The following LRFN5 variants were observed in gnomAD, a reference collection of about 807,000 sequenced individuals.
The protein encoded by LRFN5 is leucine rich repeat and fibronectin type III domain containing 5.
A neutral mutation model predicts 45.6 loss-of-function variants in LRFN5; 24 were observed. That is an observed-to-expected ratio of 0.53 (90% CI 0.38 to 0.74). The LOEUF (loss-of-function observed/expected upper bound fraction) is 0.74, where lower values mean the gene tolerates loss of function less well. Among genes scored for constraint, LRFN5 ranks in the 30% least tolerant of loss-of-function variants. The pLI, the probability that LRFN5 is intolerant of heterozygous loss-of-function variation, is 0.00. For missense variants in LRFN5, 776 were observed against 861.5 expected, an observed-to-expected ratio of 0.90 and a Z score of 1.24; for synonymous variants, 340 against 313.8, an observed-to-expected ratio of 1.08 and a Z score of -0.88.
At chr14:41,767,580 A>G (rs1297775168) in intron 2 of LRFN5, among the ~76,000 whole-genome samples, 1 of 152,130 alleles carries the variant, frequency 6.6e-6, no homozygotes, top group African/African-American at 2.4e-5. Context: ...ATTCAAGGAG[A>G]GTTTATGCCA....
intron 1 of LRFN5, chr14:41,701,008 T>A (rs1882820426): frequency 6.6e-6 from 1 of 152,206 alleles, no homozygotes; most frequent in Non-Finnish European, 1.5e-5. Flanking sequence ...AATGTTTGGC[T>A]TTAATGCTCC....
At chr14:41,687,677 G>C (rs1882182559) in intron 1 of LRFN5, among the ~76,000 whole-genome samples, 1 of 152,196 alleles carries the variant, frequency 6.6e-6, no homozygotes, top group African/African-American at 2.4e-5. Context: ...ATGAGATCAT[G>C]TCCTTTGCAG....
intron 2 of LRFN5, among the ~76,000 whole-genome samples, chr14:41,860,746 T>C (rs1312357795): frequency 1.3e-5 from 2 of 152,334 alleles, no homozygotes; most frequent in East Asian, 1.9e-4. Context: ...AGACAGAGAA[T>C]TGTAACAAGT....
chr14:41,738,985 C>T (rs1041930076), intron 1 of LRFN5, among the ~76,000 whole-genome samples: 5 of 152,174 alleles, frequency 3.3e-5, no homozygotes, highest in Non-Finnish European at 5.9e-5. Flanking sequence ...ACATTCTCTT[C>T]TATAGATCAC....
intron 2 of LRFN5, among the ~76,000 whole-genome samples, chr14:41,839,501 T>C (rs1312412923): frequency 1.3e-5 from 2 of 152,146 alleles, no homozygotes; most frequent in Admixed American, 6.6e-5. Context: ...ATTATACTTA[T>C]TGCCAGTCCT....
intron 2 of LRFN5, among the ~76,000 whole-genome samples, chr14:41,832,914 T>A (rs968737071): frequency 6.6e-6 from 1 of 152,190 alleles, no homozygotes; most frequent in South Asian, 2.1e-4. Context: ...AGAAACATTG[T>A]GGGAAGGGAA....
At chr14:41,872,733 G>A (rs118148244) in intron 2 of LRFN5, among the ~76,000 whole-genome samples, 94 of 152,220 alleles carry the variant, frequency 6.2e-4, no homozygotes, top group African/African-American at 1.9e-3. Flanking sequence ...CAACATTTTC[G>A]CTTAATATCA....
intron 1 of LRFN5, among the ~76,000 whole-genome samples, chr14:41,713,342 C>A (rs1334108010): frequency 2.0e-5 from 3 of 151,846 alleles, no homozygotes; most frequent in African/African-American, 7.2e-5. Context: ...GTGTGCAAAC[C>A]ATGGAAAGCA....
intron 2 of LRFN5, among the ~76,000 whole-genome samples, chr14:41,797,130 T>A (rs1887160766): frequency 6.6e-6 from 1 of 151,898 alleles, no homozygotes; most frequent in African/African-American, 2.4e-5. Flanking sequence ...ATTTTTAATG[T>A]CTTATGCAGA....
chr14:41,697,623 T>C (rs1264222001), intron 1 of LRFN5, among the ~76,000 whole-genome samples: 5 of 151,738 alleles, frequency 3.3e-5, no homozygotes, highest in Non-Finnish European at 7.4e-5. Flanking sequence ...TGTATTAAAC[T>C]GTATTAACTA....
intron 1 of LRFN5, among the ~76,000 whole-genome samples, chr14:41,719,851 C>T (rs961410289): frequency 6.6e-6 from 1 of 151,640 alleles, no homozygotes; most frequent in Non-Finnish European, 1.5e-5. Context: ...TACTTTGAGA[C>T]CTTTCTAACT....
chr14:41,758,099 T>C (rs1885492710), intron 1 of LRFN5, among the ~76,000 whole-genome samples: 1 of 152,196 alleles, frequency 6.6e-6, no homozygotes, highest in African/African-American at 2.4e-5. Context: ...CTCTTTATCA[T>C]ATCTCTTTCT....
At chr14:41,876,277 C>CT (rs34291427) in intron 2 of LRFN5, among the ~76,000 whole-genome samples, 25,154 of 100,012 alleles carry the variant, frequency 0.25, 4,383 homozygotes, top group Middle Eastern at 0.34. Flanking sequence ...CTTTTTCTTT[C>CT]TTTTTTTTTT....
chr14:41,659,886 T>A (rs548810537), intron 1 of LRFN5, among the ~76,000 whole-genome samples: 1 of 150,338 alleles, frequency 6.7e-6, no homozygotes, highest in African/African-American at 2.5e-5. Context: ...TCACCCACTT[T>A]TTGATGTTTT....
intron 1 of LRFN5, among the ~76,000 whole-genome samples, chr14:41,661,274 C>T (rs932045675): frequency 4.0e-5 from 6 of 151,824 alleles, no homozygotes; most frequent in African/African-American, 1.5e-4. Context: ...GTCTCTTAAT[C>T]TCAGTAAGAA....
intron 1 of LRFN5, among the ~76,000 whole-genome samples, chr14:41,697,308 T>G (rs1329438378): frequency 2.6e-5 from 4 of 151,868 alleles, no homozygotes. Context: ...ATTTTTTAAT[T>G]TCTTTTGTTT....
At chr14:41,820,954 T>G (rs1305592542) in intron 2 of LRFN5, among the ~76,000 whole-genome samples, 1 of 152,082 alleles carries the variant, frequency 6.6e-6, no homozygotes, top group Admixed American at 6.6e-5. Flanking sequence ...GAATTTTGTA[T>G]GTTGCTTTGC....
chr14:41,723,102 G>T (rs1883794661), intron 1 of LRFN5, among the ~76,000 whole-genome samples: 1 of 152,198 alleles, frequency 6.6e-6, no homozygotes, highest in African/African-American at 2.4e-5. Context: ...TGGGTGTGAG[G>T]TGTAGAAGAC....
At position 41,847,161 on chromosome 14, in the gene LRFN5, G is replaced by A. The variant is rs549052991; in HGVS notation, c.-20-39445G>A. Among the ~76,000 whole-genome samples, 3 of 151,904 alleles carry A rather than the reference G, an allele frequency of 2.0e-5. No individual in the cohort carries two copies. The East Asian group carries it at 5.8e-4, about 29-fold the overall frequency. On this transcript the variant is annotated intron_variant, in intron 2 of 5. Coordinates refer to ENST00000298119, the MANE Select transcript of LRFN5 (RefSeq NM_152447.5). The stretch of plus-strand genomic sequence containing the variant: ...TTATTTTTTTTTAGAGCCTTCATTG[G>A]GGCCCACACTCTTTGCCCTTCTGCT...
Sources: allele counts gnomAD v4.1 joint callset (sites outside exome capture counted in the v4.1 genomes callset), GRCh38; gene constraint gnomAD v4.1.1; transcripts MANE v1.5; gene names NCBI Gene and HGNC (gene_info 2026-07-23, HGNC 2026-07-21).